KCNH8: variants seen among roughly 807,000 people sequenced by gnomAD.
The protein encoded by KCNH8 is voltage-gated delayed rectifier potassium channel KCNH8.
A neutral mutation model predicts 103.6 loss-of-function variants in KCNH8; 70 were observed. The observed-to-expected ratio is 0.68, with a 90% CI of 0.56 to 0.82. The LOEUF is 0.82. KCNH8 is among the 40% of genes least tolerant of loss of function. The pLI is 0.00. For synonymous variants in KCNH8, 498 were observed against 489.4 expected (o/e 1.02, Z -0.23); for missense variants, 1,217 against 1,329.9 (o/e 0.92, Z 1.32).
At chr3:19,344,092 C>A (rs922135018) in intron 4 of KCNH8, among the ~76,000 whole-genome samples, 3 of 151,594 alleles carry the variant, frequency 2.0e-5, no homozygotes, top group African/African-American at 7.3e-5. Context: ...TGAAACAGTG[C>A]ACACCACTTG....
chr3:19,187,779 A>C (rs1179861977), intron 1 of KCNH8, among the ~76,000 whole-genome samples: 1 of 152,120 alleles, frequency 6.6e-6, no homozygotes, highest in East Asian at 1.9e-4. Flanking sequence ...TTTAAATTGT[A>C]CATATAATGT....
chr3:19,228,436 A>G (rs2063956874), intron 1 of KCNH8, among the ~76,000 whole-genome samples: 1 of 152,180 alleles, frequency 6.6e-6, no homozygotes, highest in Admixed American at 6.5e-5. Flanking sequence ...GAGCACTTTT[A>G]TAATTTGTGG....
At chr3:19,438,792 A>T (rs1226417449) in intron 8 of KCNH8, among the ~76,000 whole-genome samples, 8 of 152,168 alleles carry the variant, frequency 5.3e-5, no homozygotes, top group Non-Finnish European at 1.0e-4. Context: ...ACTTTTACAT[A>T]TGCCCTCTTT....
rs534307147 is a variant in KCNH8 at position 19,417,252 on chromosome 3, T to C, written c.1178-20912T>C. Among the ~76,000 whole-genome samples, 126 of 150,342 alleles carry C rather than the reference T, an allele frequency of 8.4e-4. 1 individual carries two copies. The highest frequency in any genetic ancestry group is 1.3e-3 in the Non-Finnish European group (89 of 67,628). On this transcript the variant is annotated intron_variant, in intron 7 of 15. Transcript: ENST00000328405. ...TGTATATATATATATATTTCCAGTATTTATAGGTATTTATATCAGAAGGGC... is the reference window on the plus strand; with the variant it reads ...TGTATATATATATATATTTCCAGTACTTATAGGTATTTATATCAGAAGGGC...
intron 11 of KCNH8, among the ~76,000 whole-genome samples, chr3:19,494,338 C>G (rs1449679562): frequency 2.0e-5 from 3 of 152,110 alleles, no homozygotes; most frequent in Non-Finnish European, 4.4e-5. Context: ...GTGGGCCTTT[C>G]CCTTGCTGTT....
At chr3:19,449,747 C>A (rs2067416400) in intron 8 of KCNH8, among the ~76,000 whole-genome samples, 1 of 151,944 alleles carries the variant, frequency 6.6e-6, no homozygotes, top group South Asian at 2.1e-4. Context: ...AACTATCAAA[C>A]TATACATAAC....
chr3:19,210,367 G>T, intron 1 of KCNH8, among the ~76,000 whole-genome samples: 1 of 151,786 alleles, frequency 6.6e-6, no homozygotes, highest in East Asian at 1.9e-4. Flanking sequence ...CCTTCCAATT[G>T]TATACTTAGC....
At chr3:19,430,733 GCTT>G (rs1001342639) in intron 7 of KCNH8, among the ~76,000 whole-genome samples, 1 of 151,648 alleles carries the variant, frequency 6.6e-6, no homozygotes, top group Non-Finnish European at 1.5e-5. Context: ...GTATTTTATT[GCTT>G]TTTTTGGCAA....
At chr3:19,346,658 C>T (rs1172427592) in intron 4 of KCNH8, 1 of 456,382 alleles carries the variant, frequency 2.2e-6, no homozygotes, top group East Asian at 7.0e-5. Context: ...TCAGGTACTT[C>T]AGGATCCCTG....
chr3:19,510,065 T>C (rs1288145546), intron 11 of KCNH8, among the ~76,000 whole-genome samples: 5 of 151,990 alleles, frequency 3.3e-5, no homozygotes, highest in Non-Finnish European at 1.5e-5. Context: ...CCCACTATTG[T>C]GATCATTATT....
intron 2 of KCNH8, among the ~76,000 whole-genome samples, chr3:19,268,201 C>T (rs2064539700): frequency 6.6e-6 from 1 of 152,038 alleles, no homozygotes; most frequent in African/African-American, 2.4e-5. Flanking sequence ...ATCACACAAA[C>T]ATATTAGGAA....
intron 7 of KCNH8, among the ~76,000 whole-genome samples, chr3:19,417,165 T>A (rs2066876400): frequency 2.0e-5 from 3 of 148,776 alleles, no homozygotes; most frequent in Admixed American, 1.3e-4. Flanking sequence ...ATATATAATC[T>A]AATATATATT....
chr3:19,197,480 A>G (rs1575429290), intron 1 of KCNH8, among the ~76,000 whole-genome samples: 1 of 152,096 alleles, frequency 6.6e-6, no homozygotes, highest in African/African-American at 2.4e-5. Context: ...CTGTTTAGAC[A>G]TTTAGCAGTT....
chr3:19,371,009 C>A (rs572677642), intron 5 of KCNH8, among the ~76,000 whole-genome samples: 1 of 152,178 alleles, frequency 6.6e-6, no homozygotes, highest in Admixed American at 6.6e-5. Flanking sequence ...CAGTCTATTA[C>A]TGTTGGACAT....
chr3:19,151,717 TTTA>T (rs913702602), intron 1 of KCNH8, among the ~76,000 whole-genome samples: 2 of 151,966 alleles, frequency 1.3e-5, no homozygotes, highest in Non-Finnish European at 2.9e-5. Flanking sequence ...TTAGTGACAC[TTTA>T]TTATTTTACA....
At chr3:19,187,137 C>T (rs1485873334) in intron 1 of KCNH8, among the ~76,000 whole-genome samples, 4 of 151,852 alleles carry the variant, frequency 2.6e-5, no homozygotes, top group African/African-American at 9.7e-5. Flanking sequence ...AGACTAGTCC[C>T]TGCTGTGAAC....
intron 1 of KCNH8, among the ~76,000 whole-genome samples, chr3:19,149,728 C>T (rs2125177109): frequency 6.6e-6 from 1 of 152,250 alleles, no homozygotes; most frequent in Admixed American, 6.5e-5. Flanking sequence ...CTACGAATAT[C>T]CTCATCTTCT....
At chr3:19,245,565 G>A (rs2064193977) in intron 1 of KCNH8, among the ~76,000 whole-genome samples, 1 of 152,224 alleles carries the variant, frequency 6.6e-6, no homozygotes, top group Non-Finnish European at 1.5e-5. Context: ...GACAGATACT[G>A]ATTTTTCAAT....
intron 1 of KCNH8, among the ~76,000 whole-genome samples, chr3:19,187,152 C>A (rs2063510182): frequency 6.6e-6 from 1 of 151,680 alleles, no homozygotes; most frequent in Non-Finnish European, 1.5e-5. Context: ...GTGAACCATA[C>A]AAAAACAGCC....
Sources: allele counts gnomAD v4.1 joint callset (sites outside exome capture counted in the v4.1 genomes callset), GRCh38; gene constraint gnomAD v4.1.1; transcripts MANE v1.5; gene names NCBI Gene and HGNC (gene_info 2026-07-23, HGNC 2026-07-21).